Variants in ZNF385D observed in about 807,000 individuals in gnomAD.
The protein encoded by ZNF385D is zinc finger protein 385D.
Under a neutral mutation model 35.8 loss-of-function variants are expected in ZNF385D, and 15 were observed. The ratio of observed to expected loss-of-function variants is 0.42; its 90% CI spans 0.28 to 0.64. The LOEUF is 0.64. ZNF385D is among the 30% of genes least tolerant of loss of function. The probability of loss-of-function intolerance (pLI) is 0.23; values close to 1 mark genes in which losing one functional copy is unlikely to be tolerated. For missense variants in ZNF385D, 474 were observed against 494.6 expected (o/e 0.96, Z 0.39); for synonymous variants, 212 against 186.8 (o/e 1.13, Z -1.10).
At chr3:22,219,404 C>T (rs550801450) in intron 2 of ZNF385D, among the ~76,000 whole-genome samples, 2 of 152,262 alleles carry the variant, frequency 1.3e-5, no homozygotes, top group East Asian at 3.9e-4. Flanking sequence ...TCCCAATCCA[C>T]ACTTGAGTTA....
intron 2 of ZNF385D, among the ~76,000 whole-genome samples, chr3:22,302,475 A>T (rs1702956213): frequency 6.6e-6 from 1 of 151,832 alleles, no homozygotes; most frequent in Non-Finnish European, 1.5e-5. Context: ...GTAATTTCCC[A>T]TTATGATATG....
chr3:21,533,327 C>T (rs1269149730), intron 3 of ZNF385D, among the ~76,000 whole-genome samples: 1 of 152,098 alleles, frequency 6.6e-6, no homozygotes, highest in Non-Finnish European at 1.5e-5. Flanking sequence ...TAAGTGATTG[C>T]TTCACATTTG....
chr3:21,505,941 A>C (rs540453665), intron 4 of ZNF385D, among the ~76,000 whole-genome samples: 1 of 152,164 alleles, frequency 6.6e-6, no homozygotes, highest in East Asian at 1.9e-4. Context: ...TTCCTGTTTT[A>C]TCTCTCCTCC....
At chr3:21,546,230 C>A (rs557486433) in intron 3 of ZNF385D, among the ~76,000 whole-genome samples, 1 of 152,276 alleles carries the variant, frequency 6.6e-6, no homozygotes, top group African/African-American at 2.4e-5. Context: ...TACCAGCAAT[C>A]TCTGGCTGCA....
At chr3:22,187,595 A>T (rs1215594766) in intron 2 of ZNF385D, among the ~76,000 whole-genome samples, 3 of 152,158 alleles carry the variant, frequency 2.0e-5, no homozygotes, top group Non-Finnish European at 4.4e-5. Flanking sequence ...ACCAGAAGGG[A>T]ACAAAGTTCT....
chr3:22,098,511 C>T (rs887709824), intron 3 of ZNF385D, among the ~76,000 whole-genome samples: 1 of 152,014 alleles, frequency 6.6e-6, no homozygotes, highest in Non-Finnish European at 1.5e-5. Flanking sequence ...TTATTGGGTG[C>T]TTAACTACTC....
intron 2 of ZNF385D, among the ~76,000 whole-genome samples, chr3:22,328,654 TCAGGAGACTGAGG>T (rs1370520651): frequency 6.6e-6 from 1 of 151,404 alleles, no homozygotes. Flanking sequence ...TCCCAGCTAC[TCAGGAGACTGAGG>T]CAGGAGAATC....
In ZNF385D at chr3:21,424,065, C is replaced by A; in HGVS notation, c.853-1G>T. 1 of 1,571,754 alleles carries A rather than the reference C, an allele frequency of 6.4e-7. No individual in the cohort carries two copies. The highest frequency in any genetic ancestry group is 1.4e-5 in the African/African-American group (1 of 72,022). On this transcript the variant is annotated splice_acceptor_variant, in intron 6 of 7. Transcript: ENST00000281523. LOFTEE classifies it high-confidence loss of function. The stretch of plus-strand genomic sequence containing the variant: ...CTTTGTGCCTTCTACTGCTAATGTG[C>A]TATTAAAAGTAATTTAAAATGACAG...
intron 3 of ZNF385D, among the ~76,000 whole-genome samples, chr3:21,526,247 T>A (rs1226933131): frequency 6.6e-6 from 1 of 152,068 alleles, no homozygotes; most frequent in African/African-American, 2.4e-5. Flanking sequence ...GCCTGTTCCT[T>A]AAAGTTGTTT....
At chr3:21,632,048 T>G (rs544919699) in intron 2 of ZNF385D, among the ~76,000 whole-genome samples, 5 of 152,272 alleles carry the variant, frequency 3.3e-5, no homozygotes, top group African/African-American at 1.2e-4. Flanking sequence ...CAATATTTAT[T>G]AAATTCCAAA....
chr3:22,205,198 A>G (rs1312659225), intron 2 of ZNF385D, among the ~76,000 whole-genome samples: 2 of 152,008 alleles, frequency 1.3e-5, no homozygotes, highest in Non-Finnish European at 2.9e-5. Flanking sequence ...TAAAGGCCAG[A>G]AGAGAGTGAC....
At chr3:21,911,104 C>G (rs963826323) in intron 3 of ZNF385D, among the ~76,000 whole-genome samples, 1 of 151,812 alleles carries the variant, frequency 6.6e-6, no homozygotes, top group Non-Finnish European at 1.5e-5. Context: ...GTTTAACAAT[C>G]TCTTACATAT....
At chr3:22,065,323 C>T (rs1699885060) in intron 3 of ZNF385D, among the ~76,000 whole-genome samples, 1 of 152,176 alleles carries the variant, frequency 6.6e-6, no homozygotes, top group Admixed American at 6.5e-5. Context: ...CCTAGCTAGA[C>T]AGATGTCTGC....
At chr3:22,324,797 C>A (rs889286519) in intron 2 of ZNF385D, among the ~76,000 whole-genome samples, 5 of 152,224 alleles carry the variant, frequency 3.3e-5, no homozygotes, top group African/African-American at 1.2e-4. Flanking sequence ...CTTTGACCCT[C>A]TACCACCAGT....
chr3:21,762,131 C>A (rs902995636), intron 3 of ZNF385D, among the ~76,000 whole-genome samples: 5 of 152,054 alleles, frequency 3.3e-5, no homozygotes, highest in Non-Finnish European at 5.9e-5. Context: ...CCTGCCTCAG[C>A]CTCCTAAAGT....
chr3:21,821,248 A>C (rs950366214), intron 3 of ZNF385D, among the ~76,000 whole-genome samples: 2 of 152,108 alleles, frequency 1.3e-5, no homozygotes, highest in African/African-American at 4.8e-5. Flanking sequence ...AATCTCCACC[A>C]AGCGTTGAGC....
At chr3:21,751,653 G>A (rs922590326), upstream of ZNF385D, among the ~76,000 whole-genome samples, 15 of 151,982 alleles carry the variant, frequency 9.9e-5, no homozygotes, top group Non-Finnish European at 1.5e-4. Context: ...TATATAAGAG[G>A]AATAAAAGGA....
intron 3 of ZNF385D, among the ~76,000 whole-genome samples, chr3:21,945,483 T>A (rs66924915): frequency 0.38 from 58,416 of 152,028 alleles, 11,703 homozygotes; most frequent in Non-Finnish European, 0.45. Flanking sequence ...ACTGAAAAAC[T>A]TAATTTCAAT....
At chr3:22,319,007 G>T (rs1334695009) in intron 2 of ZNF385D, among the ~76,000 whole-genome samples, 2 of 152,088 alleles carry the variant, frequency 1.3e-5, no homozygotes, top group Non-Finnish European at 2.9e-5. Flanking sequence ...GACCAAAGAG[G>T]TTACCTAAAA....
Sources: gnomAD v4.1 joint callset for allele counts (sites outside exome capture counted in the v4.1 genomes callset) on GRCh38, gnomAD v4.1.1 for gene constraint, MANE v1.5 for transcripts, NCBI Gene and HGNC (gene_info 2026-07-23, HGNC 2026-07-21) for gene names.